The following AFDN variants were observed in gnomAD, a reference collection of about 807,000 sequenced individuals.
AFDN encodes the protein afadin, adherens junction formation factor.
Under a neutral mutation model 216.6 loss-of-function variants are expected in AFDN, and 68 were observed. The ratio of observed to expected loss-of-function variants is 0.31; its 90% CI spans 0.26 to 0.38. AFDN has a LOEUF of 0.38. Ranked by LOEUF, AFDN falls within the 10% of genes least tolerant of loss-of-function variation. The pLI, the probability that AFDN is intolerant of heterozygous loss-of-function variation, is 1.00. For missense variants in AFDN, 2,136 were observed against 2,342.0 expected (o/e 0.91, Z 1.82); for synonymous variants, 868 against 853.7 (o/e 1.02, Z -0.29).
At chr6:167,898,546 T>C in intron 11 of AFDN, 79 bp downstream of exon 11, 1 of 1,390,016 alleles carries the variant, frequency 7.2e-7, no homozygotes, top group South Asian at 1.6e-5. Flanking sequence ...TATCTTGGCT[T>C]TTTATTTTTG....
intron 23 of AFDN, among the ~76,000 whole-genome samples, chr6:167,936,974 A>G (rs1794085411): frequency 6.6e-6 from 1 of 152,186 alleles, no homozygotes; most frequent in Admixed American, 6.5e-5. Flanking sequence ...TTCTCCATTC[A>G]GCAGTTGTAG....
At chr6:167,893,324 A>G (rs1442220982) in intron 8 of AFDN, among the ~76,000 whole-genome samples, 1 of 152,218 alleles carries the variant, frequency 6.6e-6, no homozygotes, top group Non-Finnish European at 1.5e-5. Context: ...TGAGAAAATA[A>G]TATTCATACA....
intron 29 of AFDN, among the ~76,000 whole-genome samples, chr6:167,949,884 T>C (rs1473330862): frequency 6.6e-6 from 1 of 151,822 alleles, no homozygotes; most frequent in Non-Finnish European, 1.5e-5. Context: ...GAGGAGAGAG[T>C]TGAGGAACTG....
intron 1 of AFDN, chr6:167,827,697 G>T (rs545287226): frequency 1.3e-5 from 2 of 151,944 alleles, no homozygotes; most frequent in African/African-American, 4.8e-5. Flanking sequence ...TGTGCTTCGG[G>T]TTCATAAACT....
intron 5 of AFDN, among the ~76,000 whole-genome samples, chr6:167,876,658 T>A (rs1297584590): frequency 1.3e-5 from 2 of 152,148 alleles, no homozygotes; most frequent in Non-Finnish European, 2.9e-5. Context: ...GGGCTAGAGG[T>A]AGTGAGTCAT....
At chr6:167,836,717 T>G (rs3800515) in intron 1 of AFDN, among the ~76,000 whole-genome samples, 16,944 of 152,272 alleles carry the variant, frequency 0.11, 1,123 homozygotes, top group South Asian at 0.23. Context: ...ATTTAATTGT[T>G]ATAGATAGCA....
chr6:167,851,023 C>T (rs1198282862), intron 1 of AFDN, among the ~76,000 whole-genome samples: 5 of 152,144 alleles, frequency 3.3e-5, no homozygotes, highest in South Asian at 2.1e-4. Flanking sequence ...TGCATTCAAG[C>T]GATTCTCCTG....
chr6:167,955,344 C>G (rs1031005778), intron 30 of AFDN, among the ~76,000 whole-genome samples: 18 of 152,166 alleles, frequency 1.2e-4, no homozygotes, highest in African/African-American at 3.9e-4. Flanking sequence ...AGAGAGGAAC[C>G]TTTCTTACAA....
chr6:167,951,600 C>T lies in AFDN; in HGVS notation c.4246C>T (p.Arg1416Trp), dbSNP rs144643489. ...GTCTGCGCAGGTGGCTGCTGCTGAACGGAGAAAGAGAGAAGAACATCAGCG... is the reference window on the plus strand; with the variant it reads ...GTCTGCGCAGGTGGCTGCTGCTGAATGGAGAAAGAGAGAAGAACATCAGCG... ...LPSAQVAAAERRKREEHQRWY... is the reference protein window; with the variant it reads ...LPSAQVAAAEWRKREEHQRWY... Residue 1416 changes from arginine to tryptophan, a missense_variant, in exon 30 of 34, where the codon CGG becomes TGG. Physicochemically the swap from Arg to Trp is moderately radical, Grantham distance 101. Coordinates refer to ENST00000683244, the MANE Select transcript of AFDN (RefSeq NM_001386888.1). This position sits in a 1 kb window ranked among gnomAD's most constrained non-coding sequence, Gnocchi z 7.1. 1.2e-5 allele frequency: 19 copies of T among 1,614,000 alleles called. No homozygotes were observed. The highest frequency in any genetic ancestry group is 8.8e-5 in the South Asian group (8 of 91,032).
intron 1 of AFDN, among the ~76,000 whole-genome samples, chr6:167,838,362 T>G (rs1780684722): frequency 6.6e-6 from 1 of 152,214 alleles, no homozygotes; most frequent in East Asian, 1.9e-4. Flanking sequence ...CTGGGCTTCC[T>G]CTTGGTGCTG....
chr6:167,944,126 C>T, intron 26 of AFDN, 67 bp downstream of exon 26: 1 of 1,240,876 alleles, frequency 8.1e-7, no homozygotes, highest in Admixed American at 1.7e-5. Flanking sequence ...ACAAAACCCC[C>T]ATGGAGGAGG....
intron 2 of AFDN, among the ~76,000 whole-genome samples, chr6:167,866,350 C>T (rs1784185304): frequency 6.6e-6 from 1 of 152,150 alleles, no homozygotes; most frequent in Non-Finnish European, 1.5e-5. Context: ...TCACCAGTGC[C>T]TCAGGTATGA....
At chr6:167,876,339 T>C (rs1464506528) in intron 5 of AFDN, among the ~76,000 whole-genome samples, 1 of 152,228 alleles carries the variant, frequency 6.6e-6, no homozygotes, top group South Asian at 2.1e-4. Context: ...ATAAATATTC[T>C]AATAGATTAC....
rs190931465 is a variant in AFDN at position 167,923,656 on chromosome 6, G to A, written c.3012+697G>A. ...TTTTTTTTTTTTGAGACAGAGTCTC[G>A]CTCAGTCGCCCAGGCTGAAATGCAG... On this transcript the variant is annotated intron_variant, in intron 22 of 33. Transcript: ENST00000683244. Among the ~76,000 whole-genome samples, 165 of 125,112 alleles carry A rather than the reference G, an allele frequency of 1.3e-3. 1 individual carries two copies. Among genetic ancestry groups the A allele is most frequent in the African/African-American group, 4.8e-3 (155 of 32,478 alleles). 82.1% of individuals were successfully genotyped at this position (125,112 alleles called of 152,430 possible).
Position 167,962,642 on chromosome 6 carries a change from G to T in AFDN, c.4968+75G>T. On this transcript the variant is annotated intron_variant, in intron 31 of 33. Coordinates refer to ENST00000683244, the MANE Select transcript of AFDN (RefSeq NM_001386888.1). This position sits in a 1 kb window ranked among gnomAD's most constrained non-coding sequence, Gnocchi z 5.2. ...TAATCGATTGGCTGGGGCAGAGCGG[G>T]CTGGAAGTTCTGTGTTTCTTAAGAA... 4.4e-6 allele frequency: 7 copies of T among 1,600,356 alleles called. No homozygotes were observed. Among genetic ancestry groups the T allele is most frequent in the Non-Finnish European group, 6.0e-6 (7 of 1,169,818 alleles).
chr6:167,938,722 G>C (rs1794320772), intron 23 of AFDN, among the ~76,000 whole-genome samples: 1 of 152,134 alleles, frequency 6.6e-6, no homozygotes, highest in South Asian at 2.1e-4. Context: ...CTGTCTGCTT[G>C]TATAGGGTGG....
intron 1 of AFDN, among the ~76,000 whole-genome samples, chr6:167,860,106 C>T (rs977202960): frequency 2.6e-4 from 38 of 147,514 alleles, no homozygotes; most frequent in Admixed American, 4.7e-4. Context: ...TTTCTGAAAA[C>T]GTGCTGCTTC....
chr6:167,923,607 A>G (rs1180330191), intron 22 of AFDN, among the ~76,000 whole-genome samples: 2 of 150,684 alleles, frequency 1.3e-5, no homozygotes, highest in Non-Finnish European at 2.9e-5. Context: ...GACAAAGTGA[A>G]CATACCCTAA....
rs542095184 is a variant in AFDN at position 167,859,977 on chromosome 6, A to T, written c.106-4574A>T. On this transcript the variant is annotated intron_variant, in intron 1 of 33. Coordinates refer to ENST00000683244, the MANE Select transcript of AFDN (RefSeq NM_001386888.1). ...GGCAGGAGAAATAACCATTAAGGAAAGGTTTCCTTCCCTTTGAATTAAATT... is the reference window on the plus strand; with the variant it reads ...GGCAGGAGAAATAACCATTAAGGAATGGTTTCCTTCCCTTTGAATTAAATT... Among the ~76,000 whole-genome samples, 16 of 149,098 alleles carry T rather than the reference A, an allele frequency of 1.1e-4. No homozygotes were observed. The South Asian group carries it at 2.9e-3, about 27-fold the overall frequency.
Sources: allele counts gnomAD v4.1 joint callset (sites outside exome capture counted in the v4.1 genomes callset), GRCh38; gene constraint gnomAD v4.1.1; non-coding constraint Gnocchi (gnomAD v3.1); transcripts MANE v1.5; gene names NCBI Gene and HGNC (gene_info 2026-07-23, HGNC 2026-07-21).